The following CEP192 variants were observed in gnomAD, a reference collection of about 807,000 sequenced individuals.
The protein encoded by CEP192 is centrosomal protein 192, also known as centrosomal protein of 192 kDa.
A neutral mutation model predicts 271.8 loss-of-function variants in CEP192; 151 were observed. The observed-to-expected ratio is 0.56, with a 90% CI of 0.49 to 0.64. The LOEUF (loss-of-function observed/expected upper bound fraction) is 0.64. CEP192 is among the 30% of genes least tolerant of loss of function. CEP192 has a pLI of 0.00. For missense variants in CEP192, 2,910 were observed against 3,020.5 expected (o/e 0.96, Z 0.86); for synonymous variants, 995 against 1,076.5 (o/e 0.92, Z 1.48).
chr18:13,065,948 G>T (rs112990656), intron 21 of CEP192, among the ~76,000 whole-genome samples: 8 of 152,208 alleles, frequency 5.3e-5, no homozygotes, highest in African/African-American at 1.9e-4. Flanking sequence ...TCCTTGAATG[G>T]CCTAGTTAGT....
intron 1 of CEP192, 41 bp from the exon 2 acceptor site, chr18:12,999,380 A>C: frequency 7.4e-7 from 1 of 1,344,542 alleles, no homozygotes. Context: ...AAAACATTTT[A>C]TAGTAATATG....
chr18:13,104,969 A>G lies in CEP192; in HGVS notation c.6952-15A>G, dbSNP rs2039883578. The G allele has an allele frequency of 1.3e-6, 2 of 1,589,072 alleles. No individual in the cohort carries two copies. Among genetic ancestry groups the G allele is most frequent in the African/African-American group, 1.3e-5 (1 of 74,418 alleles). ...GCTTTATGGTTTTTAATTTGTTTAA[A>G]TGATTGCTTTGCAGGGAGTTGATGA... is the stretch of plus-strand genomic sequence containing the variant. On this transcript the variant is annotated splice_polypyrimidine_tract_variant and intron_variant, in intron 39 of 44. Transcript: ENST00000506447.
chr18:13,096,224 C>T lies in CEP192; in HGVS notation c.6474C>T (p.Asn2158=). 2 of 1,614,138 alleles carry T rather than the reference C, an allele frequency of 1.2e-6. No individual in the cohort carries two copies. The highest frequency in any genetic ancestry group is 1.7e-6 in the Non-Finnish European group (2 of 1,179,974). ...AKTGRFQIVN[N]SVRLLRFELC... is the part of the protein sequence containing the mutation. ...CTGGACGTTTCCAGATTGTGAATAA[C>T]TCTGTGAGGTTACTGAGATTTGAGC... The change falls in exon 36 of 45, where the codon AAC becomes AAT. Residue 2158 remains asparagine (N), a synonymous_variant. Transcript: ENST00000506447.
intron 11 of CEP192, 50 bp from the exon 12 acceptor site, chr18:13,037,187 G>A: frequency 2.6e-6 from 2 of 762,624 alleles, no homozygotes; most frequent in South Asian, 3.2e-5. Context: ...GTGTGCTAGT[G>A]TTTGTTTAGG....
At chr18:13,111,422 G>A (rs902949604) in intron 40 of CEP192, among the ~76,000 whole-genome samples, 2 of 152,166 alleles carry the variant, frequency 1.3e-5, no homozygotes, top group African/African-American at 4.8e-5. Context: ...ACCGTGCCCG[G>A]CCTGAGTTGA....
chr18:13,118,534 C>G (rs891540410), intron 44 of CEP192, among the ~76,000 whole-genome samples: 1 of 152,158 alleles, frequency 6.6e-6, no homozygotes, highest in Non-Finnish European at 1.5e-5. Flanking sequence ...CTCCTATGGA[C>G]TATAAAATGT....
chr18:13,069,197 A>G lies in CEP192; in HGVS notation c.5055+16A>G. The G allele has an allele frequency of 6.3e-7, 1 of 1,586,626 alleles. No homozygotes were observed. Among genetic ancestry groups the G allele is most frequent in the Non-Finnish European group, 8.7e-7 (1 of 1,154,822 alleles). On this transcript the variant is annotated intron_variant, in intron 26 of 44. Transcript: ENST00000506447. ...GGATATCAAGGTATGCACTTCCATG[A>G]GAGTGCCATAAGATAGTCTTTCCTC...
rs150044171 is a variant in CEP192 at position 13,066,572 on chromosome 18, C to G, written c.4489-1259C>G. Among the ~76,000 whole-genome samples, 217 of 152,242 alleles carry G rather than the reference C, an allele frequency of 1.4e-3. 1 individual carries two copies. Among genetic ancestry groups the G allele is most frequent in the African/African-American group, 4.9e-3 (202 of 41,542 alleles). ...CAGAAATGTTTGAGGTGTTAAAAGC[C>G]TTTGTGATTTTTTTCAGCTTGGGGC... On this transcript the variant is annotated intron_variant, in intron 21 of 44. Transcript: ENST00000506447.
In CEP192 at chr18:13,018,567, A is replaced by G; in HGVS notation, c.877A>G (p.Thr293Ala). 1 of 1,541,608 alleles carries G rather than the reference A, an allele frequency of 6.5e-7. No homozygotes were observed. The highest frequency in any genetic ancestry group is 8.8e-7 in the Non-Finnish European group (1 of 1,139,850). ...ISLDSHSSET[T>A]HKESEESQVI... ...CCTCGACTCACACTCTTCTGAAACA[A>G]CTCACAAAGAGTCTGAGGAAAGCCA... The change falls in exon 8 of 45, where the codon ACT becomes GCT. Residue 293 changes from threonine (T) to alanine (A), a missense_variant. Physicochemically the swap from Thr to Ala is moderately conservative, Grantham distance 58 (BLOSUM62 0). Coordinates refer to ENST00000506447, the MANE Select transcript of CEP192 (RefSeq NM_032142.4).
At chr18:12,996,048 G>A (rs750973475) in intron 1 of CEP192, among the ~76,000 whole-genome samples, 1 of 152,246 alleles carries the variant, frequency 6.6e-6, no homozygotes, top group Middle Eastern at 3.4e-3. Context: ...GTGGAGGGAG[G>A]GTTTGAGCTA....
At position 13,008,621 on chromosome 18, in the gene CEP192, A is replaced by AC. The variant is rs1185056401; in HGVS notation, c.457dup (p.Gln153ProfsTer8). The AC allele has an allele frequency of 6.5e-7, 1 of 1,548,864 alleles. No individual in the cohort carries two copies. Among genetic ancestry groups the AC allele is most frequent in the Non-Finnish European group, 8.7e-7 (1 of 1,145,722 alleles). ...TCTTCAACAGGGCTTCACCACTGGAACAAGCACAAGGTACTGAACTATTTG... is the reference window on the plus strand; with the variant it reads ...TCTTCAACAGGGCTTCACCACTGGAACCAAGCACAAGGTACTGAACTATTTG... On this transcript the variant is annotated frameshift_variant, in exon 4 of 45. Transcript: ENST00000506447. LOFTEE classifies it high-confidence loss of function.
At chr18:12,997,155 G>A (rs773857015) in intron 1 of CEP192, among the ~76,000 whole-genome samples, 1 of 152,240 alleles carries the variant, frequency 6.6e-6, no homozygotes, top group African/African-American at 2.4e-5. Flanking sequence ...GGTTGGGATC[G>A]AGTGCAAAGT....
chr18:13,116,627 TTGGAGA>T, intron 43 of CEP192, 124 bp downstream of exon 43: 1 of 952,160 alleles, frequency 1.1e-6, no homozygotes, highest in Non-Finnish European at 1.5e-6. Flanking sequence ...TTTTCTTTTT[TTGGAGA>T]TGGAGTCTCG....
chr18:13,063,818 CA>C (rs2037538378), intron 21 of CEP192, among the ~76,000 whole-genome samples: 1 of 146,632 alleles, frequency 6.8e-6, no homozygotes, highest in African/African-American at 2.6e-5. Flanking sequence ...AGATTTTCCC[CA>C]ATTTTTTTTT....
chr18:13,002,535 G>A (rs2033719383), intron 3 of CEP192, among the ~76,000 whole-genome samples: 1 of 152,030 alleles, frequency 6.6e-6, no homozygotes, highest in South Asian at 2.1e-4. Context: ...GGTTTAAATT[G>A]CTGAGGTAAA....
intron 35 of CEP192, 134 bp downstream of exon 35, chr18:13,095,815 C>T (rs2039370788): frequency 1.3e-6 from 1 of 785,732 alleles, no homozygotes. Context: ...GCCCTGCTTC[C>T]ACTGTTGGAG....
chr18:13,099,365 C>G, intron 36 of CEP192, 111 bp from the exon 37 acceptor site: 1 of 612,898 alleles, frequency 1.6e-6, no homozygotes, highest in South Asian at 2.2e-5. Context: ...CTCTGCTCTT[C>G]CTGAGCAGTG....
rs2034588347 is a variant in CEP192, at chr18:13,015,451, A to G, written c.640+3A>G. On this transcript the variant is annotated splice_donor_region_variant and intron_variant, in intron 6 of 44. Transcript: ENST00000506447. ...GACAAGCTTGGAAGATTCTTCTGGTACTGCAGAGTAACCTGTGTTTCCCTG... is the reference window on the plus strand; with the variant it reads ...GACAAGCTTGGAAGATTCTTCTGGTGCTGCAGAGTAACCTGTGTTTCCCTG... 6.4e-7 allele frequency: 1 copy of G among 1,551,056 alleles called. No individual in the cohort carries two copies. Among genetic ancestry groups the G allele is most frequent in the Non-Finnish European group, 8.7e-7 (1 of 1,146,654 alleles).
At chr18:13,062,404 T>C (rs1282146931) in intron 21 of CEP192, among the ~76,000 whole-genome samples, 1 of 152,200 alleles carries the variant, frequency 6.6e-6, no homozygotes, top group Non-Finnish European at 1.5e-5. Flanking sequence ...ATAATACAAA[T>C]GTTACAGTTT....
Sources: allele counts gnomAD v4.1 joint callset (sites outside exome capture counted in the v4.1 genomes callset), GRCh38; gene constraint gnomAD v4.1.1; transcripts MANE v1.5; gene names NCBI Gene and HGNC (gene_info 2026-07-23, HGNC 2026-07-21).